LEPR: variants seen among roughly 807,000 people sequenced by gnomAD.
LEPR encodes the protein leptin receptor.
In LEPR, 56 loss-of-function variants were observed where a neutral mutation model predicts 114.7. The observed-to-expected ratio is 0.49, with a 90% CI of 0.39 to 0.61. The LOEUF is 0.61. Ranked by LOEUF, LEPR falls within the 20% of genes least tolerant of loss-of-function variation. The probability of loss-of-function intolerance (pLI) is 0.00; values close to 1 mark genes in which losing one functional copy is unlikely to be tolerated. For synonymous variants in LEPR, 443 were observed against 461.4 expected (o/e 0.96, Z 0.51); for missense variants, 1,202 against 1,352.9 (o/e 0.89, Z 1.75).
intron 19 of LEPR, chr1:65,629,268 C>T (rs756873666): frequency 1.3e-5 from 5 of 373,804 alleles, no homozygotes; most frequent in South Asian, 6.1e-5. Flanking sequence ...AGCACTCTTA[C>T]GCTTCCCTCC....
chr1:65,431,953 TA>T, intron 2 of LEPR: 11 of 1,604,426 alleles, frequency 6.9e-6, no homozygotes, highest in Non-Finnish European at 9.3e-6. Context: ...TTGAATTTCT[TA>T]GAACTCATAC....
At chr1:65,421,351 T>C (rs751143234) in intron 1 of LEPR, 722 of 1,535,902 alleles carry the variant, frequency 4.7e-4, no homozygotes, top group Non-Finnish European at 5.9e-4. Flanking sequence ...GTGTGTGTAG[T>C]ATGTGTTTTT....
At chr1:65,526,474 T>C (rs949635140) in intron 2 of LEPR, 6 of 947,686 alleles carry the variant, frequency 6.3e-6, no homozygotes, top group Non-Finnish European at 7.5e-6. Context: ...TTCTTTCTGG[T>C]GTTATTTCTA....
At chr1:65,498,870 A>G (rs1307745003) in intron 2 of LEPR, among the ~76,000 whole-genome samples, 3 of 152,138 alleles carry the variant, frequency 2.0e-5, no homozygotes, top group Non-Finnish European at 4.4e-5. Flanking sequence ...TCTTTTATCA[A>G]ACATAGAAGA....
At chr1:65,512,138 C>T (rs992715153) in intron 2 of LEPR, among the ~76,000 whole-genome samples, 1 of 152,062 alleles carries the variant, frequency 6.6e-6, no homozygotes, top group Non-Finnish European at 1.5e-5. Flanking sequence ...AGAACTCACT[C>T]ATTACAGCGA....
chr1:65,615,895 C>T lies in LEPR; in HGVS notation c.1996-113C>T. The T allele has an allele frequency of 3.6e-6, 5 of 1,389,326 alleles. No individual in the cohort carries two copies. In the South Asian group the frequency reaches 4.9e-5, roughly 14 times the overall value. The allele number at this position is 1,389,326 out of a possible 1,614,324, so 86.1% of individuals were successfully genotyped here. A position where few individuals can be genotyped will look rare whatever the true frequency, so the allele number is the denominator to read the frequency against. ...CTCTCAGCCTTGTAATAGTACCTGC[C>T]CTGATCTGGCCCCTGCCTCCTAATA... On this transcript the variant is annotated intron_variant, in intron 14 of 19. Coordinates refer to ENST00000349533, the MANE Select transcript of LEPR (RefSeq NM_002303.6).
intron 2 of LEPR, among the ~76,000 whole-genome samples, chr1:65,550,500 C>T (rs1050906706): frequency 1.2e-4 from 18 of 152,200 alleles, no homozygotes; most frequent in Admixed American, 6.5e-5. Flanking sequence ...TTTTGTTTAC[C>T]TAAGGGAGCC....
intron 10 of LEPR, among the ~76,000 whole-genome samples, chr1:65,604,520 T>C (rs1656679870): frequency 6.6e-6 from 1 of 152,118 alleles, no homozygotes; most frequent in Non-Finnish European, 1.5e-5. Flanking sequence ...TTTCCCCATG[T>C]TGCCCAGGCT....
At chr1:65,447,426 A>G (rs560427035) in intron 2 of LEPR, among the ~76,000 whole-genome samples, 1 of 151,940 alleles carries the variant, frequency 6.6e-6, no homozygotes, top group East Asian at 1.9e-4. Flanking sequence ...CTTTCATTAG[A>G]GTTCTATAGT....
At chr1:65,473,093 A>G (rs1288601461) in intron 2 of LEPR, among the ~76,000 whole-genome samples, 1 of 152,214 alleles carries the variant, frequency 6.6e-6, no homozygotes, top group Non-Finnish European at 1.5e-5. Flanking sequence ...AGCTTCCACA[A>G]AAAGCAGTGA....
At chr1:65,421,594 T>G in intron 1 of LEPR, 1 of 967,228 alleles carries the variant, frequency 1.0e-6, no homozygotes, top group Non-Finnish European at 1.6e-6. Flanking sequence ...GTAGATAGTA[T>G]ATATACGAGT....
intron 19 of LEPR, among the ~76,000 whole-genome samples, chr1:65,627,655 A>G (rs1393109678): frequency 6.6e-6 from 1 of 152,194 alleles, no homozygotes; most frequent in Non-Finnish European, 1.5e-5. Context: ...GAAGTTTTAT[A>G]AGAATACTCA....
At chr1:65,581,264 TGTTA>T (rs1654962178) in intron 5 of LEPR, among the ~76,000 whole-genome samples, 1 of 152,140 alleles carries the variant, frequency 6.6e-6, no homozygotes, top group African/African-American at 2.4e-5. Flanking sequence ...GCACCCTTCA[TGTTA>T]GTTTATTCCC....
At chr1:65,544,962 C>A (rs1366263698) in intron 2 of LEPR, among the ~76,000 whole-genome samples, 1 of 149,866 alleles carries the variant, frequency 6.7e-6, no homozygotes, top group South Asian at 2.1e-4. Flanking sequence ...CCCACTCCCC[C>A]CACCCCACAA....
At chr1:65,429,955 C>A (rs1646454402) in intron 2 of LEPR, 2 of 1,578,928 alleles carry the variant, frequency 1.3e-6, no homozygotes, top group Non-Finnish European at 1.7e-6. Flanking sequence ...CAGATGCAAC[C>A]AGTAGTGCCT....
At chr1:65,617,340 C>T (rs920934665) in intron 15 of LEPR, among the ~76,000 whole-genome samples, 4 of 152,156 alleles carry the variant, frequency 2.6e-5, no homozygotes, top group Admixed American at 6.5e-5. Flanking sequence ...TGGTACTGAA[C>T]TGAAATCTGA....
chr1:65,526,599 A>G lies in LEPR; in HGVS notation c.-20-38947A>G, dbSNP rs1054318602. Reference sequence around the variant, plus strand: ...GTTAACATTTATTTCTGTAAGTATTAAAGTATATTGAAACAAATACCCTTT... The same window carrying G: ...GTTAACATTTATTTCTGTAAGTATTGAAGTATATTGAAACAAATACCCTTT... On this transcript the variant is annotated intron_variant, in intron 2 of 19. Transcript: ENST00000349533. 3.9e-5 allele frequency among the ~76,000 whole-genome samples: 6 copies of G among 152,302 alleles called. No homozygotes were observed. The South Asian group carries it at 8.3e-4, about 21-fold the overall frequency.
chr1:65,516,392 C>T (rs922661391), intron 2 of LEPR, among the ~76,000 whole-genome samples: 1 of 152,010 alleles, frequency 6.6e-6, no homozygotes, highest in Non-Finnish European at 1.5e-5. Context: ...TGCAGTGAGC[C>T]GAGATCACTC....
chr1:65,634,197 A>G, intron 19 of LEPR: 1 of 978,980 alleles, frequency 1.0e-6, no homozygotes, highest in Non-Finnish European at 1.2e-6. Flanking sequence ...TGAACTCAGT[A>G]TTCAAATTTA....
Sources: gnomAD v4.1 joint callset for allele counts (sites outside exome capture counted in the v4.1 genomes callset) on GRCh38, gnomAD v4.1.1 for gene constraint, MANE v1.5 for transcripts, NCBI Gene and HGNC (gene_info 2026-07-23, HGNC 2026-07-21) for gene names.